The following GOLGA8M variants were observed in gnomAD, a reference collection of about 807,000 sequenced individuals.
The protein encoded by GOLGA8M is golgin A8 family member M, also known as golgin subfamily A member 8M.
Under a neutral mutation model 87.7 loss-of-function variants are expected in GOLGA8M, and 34 were observed. The observed-to-expected ratio is 0.39, with a 90% CI of 0.29 to 0.52. The LOEUF is 0.52. Among genes scored for constraint, GOLGA8M ranks in the 20% least tolerant of loss-of-function variants. The pLI is 0.80. For missense variants in GOLGA8M, 396 were observed against 682.2 expected (o/e 0.58, Z 4.67); for synonymous variants, 138 against 250.2 (o/e 0.55, Z 4.23).
Position 28,703,730 on chromosome 15 carries a change from G to A in GOLGA8M, c.1276+112C>T. ...CGAACTTAGTGCAGGCACCCAGTCG[G>A]CATAATGACCAGCTGTTCTAAAGGT... On this transcript the variant is annotated intron_variant, in intron 14 of 18. Coordinates refer to ENST00000563027, the MANE Select transcript of GOLGA8M (RefSeq NM_001282468.3). 2 of 1,091,258 alleles carry A rather than the reference G, an allele frequency of 1.8e-6. 1 individual carries two copies. Among genetic ancestry groups the A allele is most frequent in the South Asian group, 3.1e-5 (2 of 65,494 alleles). The allele number at this position is 1,091,258 out of a possible 1,614,324, so 67.6% of individuals were successfully genotyped here.
rs955583471 is a variant in GOLGA8M, at chr15:28,700,943, T to C, written c.*1011A>G. ...GTTTGAACTCATAAAGGATTTCTTA[T>C]GATCTTCACTAAATACATTAAGAAG... On this transcript the variant is annotated 3_prime_UTR_variant, in exon 19 of 19. Transcript: ENST00000563027. 7.9e-5 allele frequency among the ~76,000 whole-genome samples: 12 copies of C among 152,162 alleles called. No homozygotes were observed. The highest frequency in any genetic ancestry group is 2.4e-4 in the African/African-American group (10 of 41,432).
rs534503091 is a variant in GOLGA8M, at chr15:28,707,910, C to G, written c.481+43G>C. 497 of 1,578,462 alleles carry G rather than the reference C, an allele frequency of 3.1e-4. 20 individuals are homozygous for G. The highest frequency in any genetic ancestry group is 9.2e-4 in the Admixed American group (49 of 53,312). On this transcript the variant is annotated intron_variant, in intron 7 of 18. Transcript: ENST00000563027. ...CAAAGGACTCCCCCTGAAGACCTGT[C>G]AAAGTGCCAGGTTGAAGGATGACAG...
chr15:28,712,214 G>T, intron 1 of GOLGA8M, 62 bp downstream of exon 1: 1 of 1,506,544 alleles, frequency 6.6e-7, no homozygotes, highest in Non-Finnish European at 8.9e-7. Flanking sequence ...CTCTGGCAGG[G>T]GTCTTGTCAT....
chr15:28,705,831 T>C, intron 11 of GOLGA8M, 92 bp from the exon 12 acceptor site: 1 of 1,092,892 alleles, frequency 9.2e-7, no homozygotes, highest in Non-Finnish European at 1.3e-6. Context: ...CTCCTCAAAC[T>C]TGGCCTCACT....
At chr15:28,704,839 A>G (rs1470498813) in intron 13 of GOLGA8M, among the ~76,000 whole-genome samples, 4 of 145,210 alleles carry the variant, frequency 2.8e-5, no homozygotes, top group Non-Finnish European at 4.4e-5. Context: ...CTCCTGCCTC[A>G]GCCTCCCAAA....
chr15:28,705,862 A>C, intron 11 of GOLGA8M, 123 bp from the exon 12 acceptor site: 1 of 966,410 alleles, frequency 1.0e-6, no homozygotes. Flanking sequence ...CCTCGCACCC[A>C]GATGGTAGCC....
At chr15:28,712,898 A>G (rs1367300967), upstream of GOLGA8M, among the ~76,000 whole-genome samples, 3 of 152,052 alleles carry the variant, frequency 2.0e-5, no homozygotes, top group East Asian at 3.9e-4. Context: ...TTGATGATTA[A>G]TGAAGCAGAC....
At position 28,702,550 on chromosome 15, in the gene GOLGA8M, G is replaced by A. The variant is rs533805692; in HGVS notation, c.1482C>T (p.His494=). Reference sequence around the variant, plus strand: ...CACGGCCCCCTGGTTCTGATAAAAGGTGATGGATTTTCCTGCGGGAGGACG... The same window carrying A: ...CACGGCCCCCTGGTTCTGATAAAAGATGATGGATTTTCCTGCGGGAGGACG... ...WQERCHQKIH[H]LLSEPGGRAK... The change falls in exon 17 of 19, where the codon CAC becomes CAT. Residue 494 remains histidine, a synonymous_variant. Transcript: ENST00000563027. 4.0e-5 allele frequency: 65 copies of A among 1,606,098 alleles called. No homozygotes were observed. In the East Asian group the frequency reaches 1.4e-3, roughly 35 times the overall value.
intron 14 of GOLGA8M, 176 bp from the exon 15 acceptor site, chr15:28,703,586 C>T: frequency 8.7e-6 from 5 of 576,210 alleles, no homozygotes; most frequent in Non-Finnish European, 9.0e-6. Flanking sequence ...CGCCCAGGCA[C>T]ACTCCCACTA....
At chr15:28,704,532 G>A (rs1474019808) in intron 13 of GOLGA8M, among the ~76,000 whole-genome samples, 1 of 150,346 alleles carries the variant, frequency 6.7e-6, no homozygotes, top group African/African-American at 2.4e-5. Context: ...GTACTTGAAC[G>A]GTGACCAGTG....
rs1479464711 is a variant in GOLGA8M at position 28,710,159 on chromosome 15, C to T, written c.168+328G>A. On this transcript the variant is annotated intron_variant, in intron 2 of 18. Coordinates refer to ENST00000563027, the MANE Select transcript of GOLGA8M (RefSeq NM_001282468.3). ...GTGGCATAATCTTGGCTACTGCAAGCTCCACCTCCCAGGTTCACACCATTC... is the reference window on the plus strand; with the variant it reads ...GTGGCATAATCTTGGCTACTGCAAGTTCCACCTCCCAGGTTCACACCATTC... Among the ~76,000 whole-genome samples the T allele has an allele frequency of 2.1e-5, 3 of 145,574 alleles. No individual in the cohort carries two copies. The East Asian group carries it at 7.4e-4, about 36-fold the overall frequency.
At position 28,701,672 on chromosome 15, in the gene GOLGA8M, C is replaced by T. The variant is rs1379105640; in HGVS notation, c.*282G>A. On this transcript the variant is annotated 3_prime_UTR_variant, in exon 19 of 19. Coordinates refer to ENST00000563027, the MANE Select transcript of GOLGA8M (RefSeq NM_001282468.3). ...GTGGGTCTTTGTGTGTTTGAACTTC[C>T]ACCACGTAAGGGCAAACTCGATATG... Among the ~76,000 whole-genome samples the T allele has an allele frequency of 6.6e-6, 1 of 152,038 alleles. No homozygotes were observed. The highest frequency in any genetic ancestry group is 2.4e-5 in the African/African-American group (1 of 41,366).
At chr15:28,707,153 C>G (rs2140931608) in intron 8 of GOLGA8M, among the ~76,000 whole-genome samples, 1 of 136,130 alleles carries the variant, frequency 7.3e-6, no homozygotes, top group South Asian at 2.3e-4. Context: ...ATCCAATTCT[C>G]TAAGCCCGTT....
chr15:28,707,699 C>T (rs2080077091), intron 8 of GOLGA8M, 49 bp downstream of exon 8: 4 of 1,533,186 alleles, frequency 2.6e-6, no homozygotes, highest in Non-Finnish European at 3.5e-6. Context: ...CTCACTCCTC[C>T]ATCTGCAAAG....
chr15:28,703,211 G>A (rs2079874269), intron 15 of GOLGA8M, 108 bp downstream of exon 15: 3 of 908,564 alleles, frequency 3.3e-6, no homozygotes, highest in Non-Finnish European at 3.2e-6. Flanking sequence ...TCTCAGAAGG[G>A]GTGAGGGTCC....
chr15:28,706,894 T>A (rs1420530605), intron 8 of GOLGA8M, among the ~76,000 whole-genome samples, 195 bp from the exon 9 acceptor site: 1 of 144,156 alleles, frequency 6.9e-6, no homozygotes, highest in African/African-American at 2.6e-5. Flanking sequence ...AGTTTATAGC[T>A]GGCTAACAGA....
Position 28,702,192 on chromosome 15 carries a change from A to G in GOLGA8M, c.1723+22T>C, listed in dbSNP as rs577726337. ...GAGCCCCCTCTTCCTGCCTGCCCAC[A>G]CCACCTGAGGGCTGTACTCACCACC... is the stretch of plus-strand genomic sequence containing the variant. On this transcript the variant is annotated intron_variant, in intron 18 of 18. Transcript: ENST00000563027. 23 of 1,579,934 alleles carry G rather than the reference A, an allele frequency of 1.5e-5. No homozygotes were observed. The Middle Eastern group carries it at 8.8e-4, about 61-fold the overall frequency.
At position 28,702,688 on chromosome 15, in the gene GOLGA8M, G is replaced by T. The variant is rs772858547; in HGVS notation, c.1426C>A (p.Gln476Lys). The T allele has an allele frequency of 9.3e-4, 1,485 of 1,604,116 alleles. 21 individuals carry two copies. In the African/African-American group the frequency reaches 0.013, roughly 14 times the overall value. The change falls in exon 16 of 19, where the codon CAA becomes AAA. Residue 476 changes from glutamine (Q) to lysine (K), a missense_variant. Coordinates refer to ENST00000563027, the MANE Select transcript of GOLGA8M (RefSeq NM_001282468.3). ...KADLSELVKK[Q>K]ELRFIQYWQE... is the part of the protein sequence containing the mutation. ...CAGTATTGAATGAAGCGAAGTTCTT[G>T]TTTCTTCACAAGCTCACTCAGGTCT...
intron 13 of GOLGA8M, among the ~76,000 whole-genome samples, chr15:28,704,736 T>C (rs1293551207): frequency 7.0e-6 from 1 of 141,960 alleles, no homozygotes; most frequent in Admixed American, 7.7e-5. Context: ...CACCACAATG[T>C]CCTGCTAATT....
Sources: gnomAD v4.1 joint callset for allele counts (sites outside exome capture counted in the v4.1 genomes callset) on GRCh38, gnomAD v4.1.1 for gene constraint, MANE v1.5 for transcripts, NCBI Gene and HGNC (gene_info 2026-07-23, HGNC 2026-07-21) for gene names.